PDE4A: variants seen among roughly 807,000 people sequenced by gnomAD.
PDE4A encodes the protein 3',5'-cyclic-AMP phosphodiesterase 4A.
Under a neutral mutation model 73.9 loss-of-function variants are expected in PDE4A, and 21 were observed. The observed-to-expected ratio is 0.28, with a 90% CI of 0.20 to 0.41. PDE4A has a LOEUF of 0.41. Among genes scored for constraint, PDE4A ranks in the 10% least tolerant of loss-of-function variants. The pLI is 1.00. For missense variants in PDE4A, 958 were observed against 1,211.4 expected, an observed-to-expected ratio of 0.79 and a Z score of 3.10; for synonymous variants, 463 against 505.4, an observed-to-expected ratio of 0.92 and a Z score of 1.13.
At chr19:10,430,776 C>T in intron 1 of PDE4A, 1 of 529,816 alleles carries the variant, frequency 1.9e-6, no homozygotes, top group Non-Finnish European at 2.4e-6. Context: ...GGCAGGCGGC[C>T]TGCGTGGGCC....
Position 10,420,990 on chromosome 19 carries a change from C to G in PDE4A, c.226C>G (p.Arg76Gly). ...CGCCGATGCCATGGACACCAGCGAC[C>G]GGCCCGGCCTGCGCACGACCCGCAT... ...ERADAMDTSD[R>G]PGLRTTRMSW... is the part of the protein sequence containing the mutation. Residue 76 changes from arginine (R) to glycine (G), a missense_variant, in exon 1 of 15, where the codon CGG becomes GGG. Transcript: ENST00000380702. This position sits in a 1 kb window ranked among gnomAD's most constrained non-coding sequence, Gnocchi z 6.0. 6.5e-7 allele frequency: 1 copy of G among 1,531,810 alleles called. No homozygotes were observed. The highest frequency in any genetic ancestry group is 8.7e-7 in the Non-Finnish European group (1 of 1,148,410). 94.9% of individuals were successfully genotyped at this position (1,531,810 alleles called of 1,614,324 possible).
rs79889104 is a variant in PDE4A at position 10,458,630 on chromosome 19, T to G, written c.1101+528T>G. Among the ~76,000 whole-genome samples the G allele has an allele frequency of 5.2e-3, 790 of 152,284 alleles. 14 individuals carry two copies. The highest frequency in any genetic ancestry group is 0.034 in the East Asian group (175 of 5,192). ...TAGTTATTTATTTTTATTTATTTATTTATTTTGAGATGGAGACTCGCTCTG... is the reference window on the plus strand; with the variant it reads ...TAGTTATTTATTTTTATTTATTTATGTATTTTGAGATGGAGACTCGCTCTG... On this transcript the variant is annotated intron_variant, in intron 8 of 14. Transcript: ENST00000380702. The surrounding 1 kb of genome is among the most constrained non-coding windows in gnomAD (Gnocchi z 4.6).
At chr19:10,420,448 G>A (rs1160140413), upstream of PDE4A, 8 of 896,484 alleles carry the variant, frequency 8.9e-6, no homozygotes, top group Non-Finnish European at 1.1e-5. This position sits in a 1 kb window ranked among gnomAD's most constrained non-coding sequence, Gnocchi z 6.0. Context: ...TGACAGCCGC[G>A]GCGGGCGGGG....
At chr19:10,432,429 G>T (rs545653006) in intron 1 of PDE4A, 2 of 1,440,180 alleles carry the variant, frequency 1.4e-6, no homozygotes, top group South Asian at 2.8e-5. Flanking sequence ...ACGGCGCTTG[G>T]CTCCCATGCG....
intron 1 of PDE4A, among the ~76,000 whole-genome samples, chr19:10,426,899 G>A (rs994871979): frequency 1.3e-5 from 2 of 151,756 alleles, no homozygotes; most frequent in African/African-American, 4.8e-5. Context: ...AAGTAAAGCT[G>A]TATGATAATT....
chr19:10,458,988 GCCCT>G lies in PDE4A; in HGVS notation c.1102-411_1102-408del, dbSNP rs2043214574. ...AATTTTGGAGAGACATGGAAAATAA[GCCCT>G]TCTTCCTTTCTCCCCTGGGGCTCGT... On this transcript the variant is annotated intron_variant, in intron 8 of 14. Transcript: ENST00000380702. The surrounding 1 kb of genome is among the most constrained non-coding windows in gnomAD (Gnocchi z 4.6). The G allele has an allele frequency of 2.2e-5, 4 of 178,528 alleles. No individual in the cohort carries two copies. Among genetic ancestry groups the G allele is most frequent in the African/African-American group, 9.4e-5 (4 of 42,548 alleles). The allele number at this position is 178,528 out of a possible 1,614,324, so 11.1% of individuals were successfully genotyped here.
rs1387762077 is a variant in PDE4A at position 10,449,142 on chromosome 19, C to T, written c.612C>T (p.Pro204=). ...NFSLLTNVPV[P]SNKRSPLGGP... is the part of the protein sequence containing the mutation. ...CACTCCTGACCAATGTGCCCGTTCC[C>T]AGTAACAAGTAAGTGAAGGCTGGGC... The change falls in exon 4 of 15, where the codon CCC becomes CCT. Residue 204 remains proline, a synonymous_variant. Coordinates refer to ENST00000380702, the MANE Select transcript of PDE4A (RefSeq NM_001111307.2). The T allele has an allele frequency of 6.2e-7, 1 of 1,613,512 alleles. No homozygotes were observed.
rs540378061 is a variant in PDE4A at position 10,432,537 on chromosome 19, G to T, written c.320+11453G>T. ...GACCCACTTCCCCTTCAGCGATGAG[G>T]ACACCCGTCGGCACCCTCCGGGCAG... On this transcript the variant is annotated intron_variant, in intron 1 of 14. Coordinates refer to ENST00000380702, the MANE Select transcript of PDE4A (RefSeq NM_001111307.2). 14 of 1,525,688 alleles carry T rather than the reference G, an allele frequency of 9.2e-6. No individual in the cohort carries two copies. The East Asian group carries it at 3.5e-4, about 38-fold the overall frequency. The allele number at this position is 1,525,688 out of a possible 1,614,324, so 94.5% of individuals were successfully genotyped here.
upstream of PDE4A, chr19:10,416,910 A>G (rs759760748): frequency 6.5e-7 from 1 of 1,537,254 alleles, no homozygotes; most frequent in South Asian, 1.2e-5. Flanking sequence ...CGACATGGCC[A>G]CCGCAGTCCC....
intron 1 of PDE4A, among the ~76,000 whole-genome samples, chr19:10,445,113 C>T (rs1157109249): frequency 6.6e-6 from 1 of 152,120 alleles, no homozygotes; most frequent in African/African-American, 2.4e-5. Context: ...AGGTGGGATC[C>T]ATCGAAGGTT....
At chr19:10,418,950 C>G, upstream of PDE4A, 7 of 985,116 alleles carry the variant, frequency 7.1e-6, no homozygotes, top group Non-Finnish European at 7.2e-6. Context: ...CCTTGGAATA[C>G]CCGGCGGCTG....
intron 1 of PDE4A, among the ~76,000 whole-genome samples, chr19:10,442,779 C>T (rs6511699): frequency 0.028 from 4,145 of 148,316 alleles, 188 homozygotes; most frequent in African/African-American, 0.097. Flanking sequence ...TTACTATTAT[C>T]ACATACTACT....
rs561936302 is a variant in PDE4A, at chr19:10,464,972, C to T, written c.1926+997C>T. ...GCTCACTCAGTCTGCCTCCCTCAGC[C>T]TCCCAAAGTGCTGGGATTACAGGGG... On this transcript the variant is annotated intron_variant, in intron 14 of 14. Coordinates refer to ENST00000380702, the MANE Select transcript of PDE4A (RefSeq NM_001111307.2). Among the ~76,000 whole-genome samples, 3 of 152,262 alleles carry T rather than the reference C, an allele frequency of 2.0e-5. 1 individual carries two copies. In the South Asian group the frequency reaches 6.2e-4, roughly 32 times the overall value.
chr19:10,456,390 T>C (rs1385716146), intron 7 of PDE4A, among the ~76,000 whole-genome samples: 1 of 151,956 alleles, frequency 6.6e-6, no homozygotes, highest in Admixed American at 6.6e-5. Context: ...GCTGCGCGTG[T>C]TGGCACACAC....
rs2043256793 is a variant in PDE4A at position 10,461,105 on chromosome 19, T to G, written c.1465+2T>G. ...CCAACCAGTTCCTCATCAACACCAG[T>G]GAGTGGCCCTCGCCAGGGGCGGGGT... is the stretch of plus-strand genomic sequence containing the variant. On this transcript the variant is annotated splice_donor_variant, in intron 11 of 14. Coordinates refer to ENST00000380702, the MANE Select transcript of PDE4A (RefSeq NM_001111307.2). LOFTEE classifies it high-confidence loss of function. The G allele has an allele frequency of 6.2e-7, 1 of 1,608,156 alleles. No homozygotes were observed.
At chr19:10,451,854 A>G (rs1165220337) in intron 6 of PDE4A, among the ~76,000 whole-genome samples, 1 of 152,024 alleles carries the variant, frequency 6.6e-6, no homozygotes, top group Non-Finnish European at 1.5e-5. Context: ...GCCTATCAAG[A>G]AATGATCTGT....
In PDE4A at chr19:10,450,934, C is replaced by T. The variant is rs1792185182; in HGVS notation, c.776C>T (p.Ser259Leu). Residue 259 changes from serine (S) to leucine (L), a missense_variant, in exon 6 of 15, where the codon TCG (serine) becomes TTG (leucine). This residue lies in a region of PDE4A where 570 missense variants were observed against 827.7 expected (regional missense o/e 0.69). Transcript: ENST00000380702. ...QTYRSVSEMA[S>L]HKFKRMLNRE... is the part of the protein sequence containing the mutation. ...TATCGCTCTGTCAGCGAGATGGCCTCGCACAAGGTGTGCAGGTGGTGGGCA... is the reference window on the plus strand; with the variant it reads ...TATCGCTCTGTCAGCGAGATGGCCTTGCACAAGGTGTGCAGGTGGTGGGCA... 1 of 1,597,138 alleles carries T rather than the reference C, an allele frequency of 6.3e-7. No individual in the cohort carries two copies. The highest frequency in any genetic ancestry group is 1.3e-5 in the African/African-American group (1 of 74,630).
Position 10,467,034 on chromosome 19 carries a change from G to C in PDE4A, c.2074G>C (p.Glu692Gln). The C allele has an allele frequency of 6.2e-7, 1 of 1,614,132 alleles. No homozygotes were observed. The highest frequency in any genetic ancestry group is 1.3e-5 in the African/African-American group (1 of 75,034). The part of the protein sequence containing the change: ...AIRQSPSPPP[E>Q]EESRGPGHPP... ...CCGGCAGAGCCCATCTCCGCCACCC[G>C]AGGAGGAGTCAAGGGGGCCAGGCCA... Residue 692 changes from glutamate (E) to glutamine (Q), a missense_variant, in exon 15 of 15, where the codon GAG becomes CAG. Around this residue, in one of 3 missense-constraint regions of PDE4A, gnomAD observed 570 missense variants for 827.7 expected, o/e 0.69. Transcript: ENST00000380702.
At chr19:10,440,899 A>ATTTTTTT (rs59011127) in intron 1 of PDE4A, among the ~76,000 whole-genome samples, 2 of 131,366 alleles carry the variant, frequency 1.5e-5, no homozygotes, top group African/African-American at 5.7e-5. Flanking sequence ...CGCCCAGCCA[A>ATTTTTTT]TTTTTTTTTT....
Sources: gnomAD v4.1 joint callset for allele counts (sites outside exome capture counted in the v4.1 genomes callset) on GRCh38, gnomAD v4.1.1 for gene constraint, gnomAD v4.1.1 regional missense constraint, Gnocchi (gnomAD v3.1) non-coding constraint, MANE v1.5 for transcripts, NCBI Gene and HGNC (gene_info 2026-07-23, HGNC 2026-07-21) for gene names.